The following KHDRBS3 variants were observed in gnomAD, a reference collection of about 807,000 sequenced individuals.
KHDRBS3 encodes KH domain-containing, RNA-binding, signal transduction-associated protein 3.
KHDRBS3 carries 23 observed loss-of-function variants against 45.6 expected under a neutral mutation model. The observed-to-expected ratio is 0.50, with a 90% CI of 0.36 to 0.72. The LOEUF (loss-of-function observed/expected upper bound fraction) is 0.72. KHDRBS3 is among the 30% of genes least tolerant of loss of function. The pLI is 0.00. For synonymous variants in KHDRBS3, 162 were observed against 156.5 expected (o/e 1.04, Z -0.26); for missense variants, 352 against 424.8 (o/e 0.83, Z 1.51).
intron 7 of KHDRBS3, chr8:135,625,646 C>G: frequency 2.4e-6 from 2 of 840,866 alleles, no homozygotes; most frequent in South Asian, 2.7e-5. Context: ...CAAAAAACTT[C>G]TTGAAACACT....
intron 6 of KHDRBS3, among the ~76,000 whole-genome samples, chr8:135,584,244 A>T (rs924356740): frequency 1.3e-5 from 2 of 152,232 alleles, no homozygotes; most frequent in Admixed American, 1.3e-4. Flanking sequence ...GTTGCCTTCA[A>T]ATAACTGACG....
chr8:135,528,881 A>C (rs181920235), intron 2 of KHDRBS3, among the ~76,000 whole-genome samples: 12 of 152,284 alleles, frequency 7.9e-5, no homozygotes, highest in Admixed American at 2.0e-4. Flanking sequence ...TCATGACTTC[A>C]GCACTTCCCA....
chr8:135,626,311 A>G (rs1337095120), intron 7 of KHDRBS3, among the ~76,000 whole-genome samples: 1 of 152,254 alleles, frequency 6.6e-6, no homozygotes, highest in Non-Finnish European at 1.5e-5. Context: ...CTGATTTTTA[A>G]CTATTCTATG....
At chr8:135,629,015 A>G (rs1830486094) in intron 7 of KHDRBS3, among the ~76,000 whole-genome samples, 1 of 152,218 alleles carries the variant, frequency 6.6e-6, no homozygotes, top group Middle Eastern at 3.2e-3. Flanking sequence ...TGGTTGGGCC[A>G]CATGACCTCT....
intron 3 of KHDRBS3, among the ~76,000 whole-genome samples, chr8:135,544,183 A>G (rs1826179044): frequency 6.6e-6 from 1 of 152,136 alleles, no homozygotes; most frequent in Admixed American, 6.6e-5. Context: ...GAGCAGTGAA[A>G]CCCACAAGCA....
At chr8:135,552,626 G>T (rs923686481) in intron 4 of KHDRBS3, among the ~76,000 whole-genome samples, 1 of 151,934 alleles carries the variant, frequency 6.6e-6, no homozygotes, top group East Asian at 1.9e-4. Context: ...TCCCAGAGGA[G>T]TTTTTGTTGC....
At chr8:135,481,223 G>GATATAT (rs10529846) in intron 1 of KHDRBS3, among the ~76,000 whole-genome samples, 3,021 of 76,800 alleles carry the variant, frequency 0.039, 54 homozygotes, top group East Asian at 0.07. Context: ...TGAAAGCCAC[G>GATATAT]ATATATATAT....
At position 135,607,054 on chromosome 8, in the gene KHDRBS3, A is replaced by G. The variant is rs769756207; in HGVS notation, c.890+17A>G. On this transcript the variant is annotated intron_variant, in intron 7 of 8. Coordinates refer to ENST00000355849, the MANE Select transcript of KHDRBS3 (RefSeq NM_006558.3). ...AGCCCAAAGGTAAGAGTCAGTCTTTATTACCAGACCCCACAACAGAAACCA... is the reference window on the plus strand; with the variant it reads ...AGCCCAAAGGTAAGAGTCAGTCTTTGTTACCAGACCCCACAACAGAAACCA... 6.3e-7 allele frequency: 1 copy of G among 1,580,852 alleles called. No individual in the cohort carries two copies. The highest frequency in any genetic ancestry group is 1.7e-5 in the Admixed American group (1 of 59,746).
At chr8:135,645,483 C>T (rs542459602) in intron 8 of KHDRBS3, among the ~76,000 whole-genome samples, 6 of 152,306 alleles carry the variant, frequency 3.9e-5, no homozygotes, top group African/African-American at 1.4e-4. Flanking sequence ...GAGACTACAG[C>T]TCTAAAGTGA....
At chr8:135,585,227 T>TAAA (rs1217682489) in intron 6 of KHDRBS3, among the ~76,000 whole-genome samples, 1 of 34,288 alleles carries the variant, frequency 2.9e-5, no homozygotes. Context: ...AGACTCCGTC[T>TAAA]CAAAAAAAAA....
chr8:135,625,704 A>G (rs1382394730), intron 7 of KHDRBS3: 1 of 788,916 alleles, frequency 1.3e-6, no homozygotes, highest in Non-Finnish European at 2.3e-6. Context: ...TAATTTGTCC[A>G]CAGGAATTAT....
At chr8:135,594,341 G>A (rs890996962) in intron 6 of KHDRBS3, among the ~76,000 whole-genome samples, 7 of 152,116 alleles carry the variant, frequency 4.6e-5, no homozygotes, top group African/African-American at 1.4e-4. Flanking sequence ...AATTTTATAG[G>A]GCCAGACAGT....
chr8:135,594,397 G>A (rs1339540394), intron 6 of KHDRBS3, among the ~76,000 whole-genome samples: 1 of 152,232 alleles, frequency 6.6e-6, no homozygotes, highest in East Asian at 1.9e-4. Flanking sequence ...ACTGACTTTC[G>A]AATCCTTGCC....
chr8:135,550,997 G>A (rs2130806241), intron 4 of KHDRBS3, among the ~76,000 whole-genome samples: 1 of 152,214 alleles, frequency 6.6e-6, no homozygotes, highest in Non-Finnish European at 1.5e-5. Context: ...ACTACTGTGA[G>A]TGCAATTTTT....
intron 2 of KHDRBS3, among the ~76,000 whole-genome samples, chr8:135,532,575 G>T (rs924963371): frequency 2.6e-5 from 4 of 152,000 alleles, no homozygotes; most frequent in African/African-American, 9.7e-5. Flanking sequence ...ACACGGAGTG[G>T]TTTTTTGTGT....
At chr8:135,458,059 C>G in intron 1 of KHDRBS3, 105 bp downstream of exon 1, 4 of 1,406,030 alleles carry the variant, frequency 2.8e-6, no homozygotes, top group Non-Finnish European at 3.7e-6. Flanking sequence ...GCGGACGCGG[C>G]GGAGACGGAG....
At chr8:135,463,009 T>A (rs1049977377) in intron 1 of KHDRBS3, among the ~76,000 whole-genome samples, 2 of 152,230 alleles carry the variant, frequency 1.3e-5, no homozygotes, top group African/African-American at 2.4e-5. Flanking sequence ...ATTCTTCACA[T>A]TTCTGCCCTA....
intron 4 of KHDRBS3, among the ~76,000 whole-genome samples, chr8:135,550,187 G>A (rs1298524101): frequency 6.6e-6 from 1 of 152,100 alleles, no homozygotes; most frequent in Non-Finnish European, 1.5e-5. Flanking sequence ...ATCTAGCCAG[G>A]TGAAACAGAT....
chr8:135,613,866 C>A (rs569934805), intron 7 of KHDRBS3, among the ~76,000 whole-genome samples: 3 of 151,702 alleles, frequency 2.0e-5, no homozygotes, highest in African/African-American at 7.3e-5. Flanking sequence ...TCCATAATGA[C>A]TTTTAAACTC....
Sources: gnomAD v4.1 joint callset for allele counts (sites outside exome capture counted in the v4.1 genomes callset) on GRCh38, gnomAD v4.1.1 for gene constraint, MANE v1.5 for transcripts, NCBI Gene and HGNC (gene_info 2026-07-23, HGNC 2026-07-21) for gene names.